PRORP: variants seen among roughly 807,000 people sequenced by gnomAD.
PRORP encodes protein only RNase P catalytic subunit, also known as mitochondrial ribonuclease P catalytic subunit.
In PRORP, 51 loss-of-function variants were observed where a neutral mutation model predicts 59.4. The observed-to-expected ratio is 0.86, with a 90% CI of 0.69 to 1.08. PRORP has a LOEUF of 1.08. Among genes scored for constraint, PRORP ranks in the 50% least tolerant of loss-of-function variants. PRORP has a pLI of 0.00. For synonymous variants in PRORP, 231 were observed against 245.6 expected (o/e 0.94, Z 0.55); for missense variants, 646 against 690.3 (o/e 0.94, Z 0.72).
Position 35,158,695 on chromosome 14 carries a change from G to A in PRORP, c.1168-21975G>A, listed in dbSNP as rs1199575690. 1.8e-5 allele frequency: 7 copies of A among 388,176 alleles called. 1 individual carries two copies. The highest frequency in any genetic ancestry group is 9.8e-5 in the South Asian group (4 of 40,696). The allele number at this position is 388,176 out of a possible 1,614,324, so 24.0% of individuals were successfully genotyped here. ...ATTTACTATCAATGTAGTTGATGAC[G>A]AGCTGCCAGCAATTACTATTATCTA... On this transcript the variant is annotated intron_variant, in intron 4 of 7. Coordinates refer to ENST00000534898, the MANE Select transcript of PRORP (RefSeq NM_014672.4).
At chr14:35,170,957 C>T (rs1050745512) in intron 4 of PRORP, among the ~76,000 whole-genome samples, 2 of 151,758 alleles carry the variant, frequency 1.3e-5, no homozygotes, top group African/African-American at 4.8e-5. Flanking sequence ...TCAAGCAATT[C>T]TTCTGCCTCA....
intron 5 of PRORP, among the ~76,000 whole-genome samples, chr14:35,187,185 A>AT (rs941800731): frequency 3.9e-5 from 6 of 152,314 alleles, no homozygotes; most frequent in African/African-American, 7.2e-5. Flanking sequence ...TAGGAGTAGA[A>AT]TTGGTGGGTC....
intron 4 of PRORP, among the ~76,000 whole-genome samples, chr14:35,150,706 G>T (rs1196309600): frequency 6.6e-6 from 1 of 152,098 alleles, no homozygotes; most frequent in Non-Finnish European, 1.5e-5. Flanking sequence ...GCTGAGTTTG[G>T]CTTTACAAGG....
chr14:35,122,298 C>T (rs1566434773), upstream of PRORP: 2 of 302,196 alleles, frequency 6.6e-6, no homozygotes, highest in Non-Finnish European at 1.3e-5. Flanking sequence ...CACCACGTGA[C>T]CCAGGAGTTC....
intron 5 of PRORP, among the ~76,000 whole-genome samples, chr14:35,254,677 C>G (rs903798080): frequency 6.6e-6 from 1 of 152,188 alleles, no homozygotes; most frequent in East Asian, 1.9e-4. Context: ...CAGGCATGAG[C>G]CACCGCGCCC....
rs1595165947 is a variant in PRORP, at chr14:35,132,830, CAAAGG to C, written c.1167+5225_1167+5229del. Among the ~76,000 whole-genome samples the C allele has an allele frequency of 5.4e-5, 8 of 148,866 alleles. No homozygotes were observed. The East Asian group carries it at 1.4e-3, about 26-fold the overall frequency. ...AGAAGGAAAGGAAAGGAAAGCAAAGCAAAGGAAAGGGAAGGAAGAAGGAAGAAGGA... is the reference window on the plus strand; with the variant it reads ...AGAAGGAAAGGAAAGGAAAGCAAAGCAAAGGGAAGGAAGAAGGAAGAAGGA... On this transcript the variant is annotated intron_variant, in intron 4 of 7. Coordinates refer to ENST00000534898, the MANE Select transcript of PRORP (RefSeq NM_014672.4).
chr14:35,255,763 CT>C (rs2050735026), intron 5 of PRORP, among the ~76,000 whole-genome samples: 1 of 152,074 alleles, frequency 6.6e-6, no homozygotes, highest in African/African-American at 2.4e-5. Flanking sequence ...TCGGTAAAAT[CT>C]AAATGGAGGA....
intron 4 of PRORP, among the ~76,000 whole-genome samples, chr14:35,170,467 A>G (rs2048287543): frequency 6.6e-6 from 1 of 152,116 alleles, no homozygotes; most frequent in Non-Finnish European, 1.5e-5. Context: ...TTTGGGCTTT[A>G]CAATCTGAAT....
chr14:35,220,750 T>C (rs538490454), intron 5 of PRORP, among the ~76,000 whole-genome samples: 1 of 152,342 alleles, frequency 6.6e-6, no homozygotes, highest in East Asian at 1.9e-4. Context: ...ACATGGCTTT[T>C]ATTCTATTCA....
At chr14:35,268,361 A>AAC (rs2051099815) in intron 6 of PRORP, among the ~76,000 whole-genome samples, 1 of 151,538 alleles carries the variant, frequency 6.6e-6, no homozygotes, top group Admixed American at 6.6e-5. Flanking sequence ...AAAAAAAAAA[A>AAC]AACAACCCAC....
chr14:35,195,167 C>A (rs1219034178), intron 5 of PRORP, among the ~76,000 whole-genome samples: 10 of 152,074 alleles, frequency 6.6e-5, no homozygotes, highest in Admixed American at 6.6e-4. Context: ...TAAGTTAATT[C>A]AGCTTTATGG....
intron 4 of PRORP, among the ~76,000 whole-genome samples, chr14:35,157,553 C>A (rs550808564): frequency 6.6e-6 from 1 of 152,140 alleles, no homozygotes; most frequent in Non-Finnish European, 1.5e-5. Flanking sequence ...CCACACCCAG[C>A]TAATTTTTGT....
chr14:35,269,626 A>G (rs72664898), intron 6 of PRORP, among the ~76,000 whole-genome samples: 1 of 152,272 alleles, frequency 6.6e-6, no homozygotes, highest in Non-Finnish European at 1.5e-5. Context: ...TAAACCGAAT[A>G]CATTTTTTCT....
intron 5 of PRORP, among the ~76,000 whole-genome samples, chr14:35,234,171 A>T (rs1342108338): frequency 6.6e-6 from 1 of 152,202 alleles, no homozygotes; most frequent in Non-Finnish European, 1.5e-5. Context: ...AAAGGTGAGA[A>T]GTATGTTTAC....
intron 5 of PRORP, among the ~76,000 whole-genome samples, chr14:35,255,513 A>G (rs1399210099): frequency 6.6e-6 from 1 of 152,200 alleles, no homozygotes; most frequent in Non-Finnish European, 1.5e-5. Flanking sequence ...TCTTTGATAA[A>G]TGAACTGGCC....
chr14:35,122,187 A>C (rs2046931039), upstream of PRORP: 1 of 557,348 alleles, frequency 1.8e-6, no homozygotes, highest in Non-Finnish European at 3.2e-6. Context: ...AAAGAGATGG[A>C]AAATGGTTCT....
intron 5 of PRORP, among the ~76,000 whole-genome samples, chr14:35,249,458 A>G (rs2050561149): frequency 1.3e-5 from 2 of 152,146 alleles, no homozygotes; most frequent in Admixed American, 6.5e-5. Context: ...GTACGATAGC[A>G]TGCACCTGCA....
chr14:35,212,674 C>T (rs754588241), intron 5 of PRORP, among the ~76,000 whole-genome samples: 1 of 152,142 alleles, frequency 6.6e-6, no homozygotes, highest in Non-Finnish European at 1.5e-5. Context: ...TTTGTTGTTC[C>T]GTTGATAAAG....
At position 35,124,027 on chromosome 14, in the gene PRORP, A is replaced by G. The variant is rs758401670; in HGVS notation, c.782A>G (p.Asn261Ser). The part of the protein sequence containing the change: ...IQGALLHQDV[N>S]TAWNLYQELL... ...GGAGCTCTCCTTCATCAAGATGTAAACACAGCTTGGAATTTATATCAGGAA... is the reference window on the plus strand; with the variant it reads ...GGAGCTCTCCTTCATCAAGATGTAAGCACAGCTTGGAATTTATATCAGGAA... Residue 261 changes from asparagine (N) to serine (S), a missense_variant, in exon 2 of 8, where the codon AAC (asparagine) becomes AGC (serine). Asn to Ser is a conservative substitution (Grantham distance 46). Transcript: ENST00000534898. The G allele has an allele frequency of 4.3e-6, 7 of 1,613,686 alleles. No homozygotes were observed. The Admixed American group carries it at 8.3e-5, about 19-fold the overall frequency.
Sources: allele counts gnomAD v4.1 joint callset (sites outside exome capture counted in the v4.1 genomes callset), GRCh38; gene constraint gnomAD v4.1.1; transcripts MANE v1.5; gene names NCBI Gene and HGNC (gene_info 2026-07-23, HGNC 2026-07-21).